Variants in ATP6V1D observed in about 807,000 individuals in gnomAD.
The protein encoded by ATP6V1D is V-type proton ATPase subunit D.
In ATP6V1D, 20 loss-of-function variants were observed where a neutral mutation model predicts 39.4. That is an observed-to-expected ratio of 0.51 (90% CI 0.36 to 0.74). The LOEUF (loss-of-function observed/expected upper bound fraction) is 0.74, where lower values mean the gene tolerates loss of function less well. Among genes scored for constraint, ATP6V1D ranks in the 30% least tolerant of loss-of-function variants. The pLI, the probability that ATP6V1D is intolerant of heterozygous loss-of-function variation, is 0.00. For synonymous variants in ATP6V1D, 100 were observed against 100.5 expected (o/e 0.99, Z 0.03); for missense variants, 228 against 291.6 (o/e 0.78, Z 1.59).
rs2085552835 is a variant in ATP6V1D, at chr14:67,337,946, C to T, written c.*675G>A. The T allele has an allele frequency of 6.6e-6, 1 of 152,180 alleles. No homozygotes were observed. The highest frequency in any genetic ancestry group is 1.5e-5 in the Non-Finnish European group (1 of 68,042). 9.4% of individuals were successfully genotyped at this position (152,180 alleles called of 1,614,324 possible). A position where few individuals can be genotyped will look rare whatever the true frequency, so the allele number is the denominator to read the frequency against. On this transcript the variant is annotated 3_prime_UTR_variant, in exon 9 of 9. Transcript: ENST00000216442. ...CAAAAGTAAGCCTTTTTGTAAAACT[C>T]TAATACATGGAGTGGGAAAAATAGC...
chr14:67,340,032 C>CAAA lies in ATP6V1D; in HGVS notation c.602+405_602+407dup, dbSNP rs34358102. Reference sequence around the variant, plus strand: ...GGTGACAGAGCAAGACTCTGTCTCACAAAAAAAAAAAAAAAAAAAAGAATA... The same window carrying CAAA: ...GGTGACAGAGCAAGACTCTGTCTCACAAAAAAAAAAAAAAAAAAAAAAAGAATA... On this transcript the variant is annotated intron_variant, in intron 8 of 8. Transcript: ENST00000216442. 2.6e-3 allele frequency: 183 copies of CAAA among 71,668 alleles called. 5 individuals carry two copies. Among genetic ancestry groups the CAAA allele is most frequent in the South Asian group, 0.011 (27 of 2,410 alleles). The allele number at this position is 71,668 out of a possible 1,614,324, so 4.4% of individuals were successfully genotyped here.
chr14:67,340,162 T>C (rs1022438621), intron 8 of ATP6V1D: 1 of 325,624 alleles, frequency 3.1e-6, no homozygotes, highest in African/African-American at 2.1e-5. Flanking sequence ...CACTACTGCA[T>C]TTGACTATCT....
At chr14:67,339,826 C>T (rs1258020541) in intron 8 of ATP6V1D, among the ~76,000 whole-genome samples, 1 of 152,064 alleles carries the variant, frequency 6.6e-6, no homozygotes, top group African/African-American at 2.4e-5. Flanking sequence ...GGGCCAGGCA[C>T]GGTGGCTCAT....
chr14:67,352,861 A>T (rs76831375), intron 2 of ATP6V1D, 62 bp downstream of exon 2: 1 of 963,210 alleles, frequency 1.0e-6, no homozygotes, highest in South Asian at 1.6e-5. Flanking sequence ...AAAAAAAAAA[A>T]TGCCAAGGGC....
intron 5 of ATP6V1D, 117 bp downstream of exon 5, chr14:67,347,292 G>A: frequency 2.5e-6 from 2 of 793,336 alleles, no homozygotes; most frequent in Non-Finnish European, 2.0e-6. Context: ...TCAAATAAGA[G>A]GATTTCTAAC....
Position 67,347,498 on chromosome 14 carries a change from C to CTG in ATP6V1D, c.308-46_308-45insCA. 4 of 1,292,318 alleles carry CTG rather than the reference C, an allele frequency of 3.1e-6. No homozygotes were observed. In the South Asian group the frequency reaches 5.6e-5, roughly 18 times the overall value. The allele number at this position is 1,292,318 out of a possible 1,614,324, so 80.1% of individuals were successfully genotyped here. A position where few individuals can be genotyped will look rare whatever the true frequency, so the allele number is the denominator to read the frequency against. ...ACATGGATTCATAAACCTTTAAGTT[C>CTG]TCTCTTTTTTTTTTTTTTCTGAGAC... On this transcript the variant is annotated intron_variant, in intron 4 of 8. Transcript: ENST00000216442.
intron 1 of ATP6V1D, among the ~76,000 whole-genome samples, chr14:67,356,266 C>T (rs1485548314): frequency 6.6e-6 from 1 of 151,686 alleles, no homozygotes; most frequent in South Asian, 2.1e-4. Flanking sequence ...CCAAAAAATA[C>T]AAAAATTAGC....
chr14:67,345,794 G>A lies in ATP6V1D; in HGVS notation c.430C>T (p.Leu144=). ...LKRNYAKAVE[L]LVELASLQTS... is the part of the protein sequence containing the mutation. ...TGCAGAGAAGCTAGTTCCACCAGTA[G>A]TTCCACTGCTTTGGCATAATTCCTC... The change falls in exon 6 of 9, where the codon CTA becomes TTA. Residue 144 remains leucine (L), a synonymous_variant. Coordinates refer to ENST00000216442, the MANE Select transcript of ATP6V1D (RefSeq NM_015994.4). The A allele has an allele frequency of 1.2e-6, 2 of 1,613,892 alleles. No individual in the cohort carries two copies. The highest frequency in any genetic ancestry group is 3.3e-4 in the Middle Eastern group (2 of 6,050).
At chr14:67,343,072 G>A (rs536507262) in intron 7 of ATP6V1D, among the ~76,000 whole-genome samples, 1 of 152,258 alleles carries the variant, frequency 6.6e-6, no homozygotes, top group African/African-American at 2.4e-5. Context: ...AGGATCTTGA[G>A]AAATATTCCT....
chr14:67,354,301 CA>C (rs2085672276), intron 1 of ATP6V1D, among the ~76,000 whole-genome samples: 1 of 152,012 alleles, frequency 6.6e-6, no homozygotes, highest in African/African-American at 2.4e-5. Flanking sequence ...TTTATGATGC[CA>C]ACATAGTTTA....
At chr14:67,353,158 T>C (rs951400104) in intron 1 of ATP6V1D, 118 bp from the exon 2 acceptor site, 9 of 723,368 alleles carry the variant, frequency 1.2e-5, no homozygotes, top group African/African-American at 1.1e-4. Flanking sequence ...AGTGAGACTA[T>C]ATAGAGAATT....
chr14:67,346,007 A>T (rs2085617331), intron 5 of ATP6V1D, 136 bp from the exon 6 acceptor site: 1 of 636,940 alleles, frequency 1.6e-6, no homozygotes, highest in Admixed American at 2.7e-5. Context: ...TGTAAACATG[A>T]AGTGCCTATC....
Position 67,359,720 on chromosome 14 carries a change from C to T in ATP6V1D, c.-22G>A. On this transcript the variant is annotated 5_prime_UTR_variant, in exon 1 of 9. Transcript: ENST00000216442. ...ACATTCTGACGATAACTTTTCGGCT[C>T]GGGTCCCCGGCCGGGCAACCGAGGC... The T allele has an allele frequency of 1.2e-6, 2 of 1,613,628 alleles. No individual in the cohort carries two copies. The highest frequency in any genetic ancestry group is 8.5e-7 in the Non-Finnish European group (1 of 1,179,926).
intron 3 of ATP6V1D, 140 bp downstream of exon 3, chr14:67,350,471 G>A (rs929818215): frequency 7.1e-5 from 44 of 623,578 alleles, no homozygotes; most frequent in Admixed American, 2.1e-4. Flanking sequence ...AAGGTGATGG[G>A]GTTAAAAGAA....
intron 1 of ATP6V1D, among the ~76,000 whole-genome samples, chr14:67,356,857 T>C (rs558867623): frequency 1.3e-5 from 2 of 152,318 alleles, no homozygotes; most frequent in East Asian, 1.9e-4. Flanking sequence ...GCATTTAACA[T>C]AATGTATTGT....
rs2085556348 is a variant in ATP6V1D, at chr14:67,338,531, AAAAT to A, written c.*86_*89del. On this transcript the variant is annotated 3_prime_UTR_variant, in exon 9 of 9. Transcript: ENST00000216442. ...ACAACCAGTGAAATTCTTAGGCCAA[AAAAT>A]AAATAGCCACACAAATCAAACCTAC... The A allele has an allele frequency of 2.9e-6, 4 of 1,370,108 alleles. No homozygotes were observed. Among genetic ancestry groups the A allele is most frequent in the South Asian group, 3.6e-5 (2 of 55,608 alleles). The allele number at this position is 1,370,108 out of a possible 1,614,324, so 84.9% of individuals were successfully genotyped here.
intron 8 of ATP6V1D, among the ~76,000 whole-genome samples, chr14:67,339,364 A>AT (rs943877932): frequency 1.3e-4 from 20 of 152,128 alleles, no homozygotes; most frequent in Admixed American, 1.0e-3. Flanking sequence ...GCATTCAGGC[A>AT]TTTTTTTAAA....
At chr14:67,340,235 G>A in intron 8 of ATP6V1D, 2 of 490,442 alleles carry the variant, frequency 4.1e-6, no homozygotes, top group East Asian at 3.2e-5. Flanking sequence ...CTAAGTTTTT[G>A]GAAATGCCAT....
rs755385613 is a variant in ATP6V1D, at chr14:67,338,609, G to C, written c.*12C>G. The C allele has an allele frequency of 1.2e-6, 2 of 1,612,304 alleles. No homozygotes were observed. The highest frequency in any genetic ancestry group is 1.7e-6 in the Non-Finnish European group (2 of 1,179,252). ...AGTGTTAGGGTTTCTCAAAGAACCA[G>C]AACAGGAAAGATTATTCAAATAGAA... On this transcript the variant is annotated 3_prime_UTR_variant, in exon 9 of 9. Transcript: ENST00000216442.
Sources: allele counts gnomAD v4.1 joint callset (sites outside exome capture counted in the v4.1 genomes callset), GRCh38; gene constraint gnomAD v4.1.1; transcripts MANE v1.5; gene names NCBI Gene and HGNC (gene_info 2026-07-23, HGNC 2026-07-21).